Variants in GRID1 observed in about 807,000 individuals in gnomAD.
The protein encoded by GRID1 is glutamate receptor ionotropic, delta-1.
GRID1 carries 28 observed loss-of-function variants against 98.0 expected under a neutral mutation model. The observed-to-expected ratio is 0.29, with a 90% CI of 0.21 to 0.39. The LOEUF is 0.39. Ranked by LOEUF, GRID1 falls within the 10% of genes least tolerant of loss-of-function variation. GRID1 has a pLI of 1.00. For synonymous variants in GRID1, 553 were observed against 538.5 expected (o/e 1.03, Z -0.37); for missense variants, 1,111 against 1,340.5 (o/e 0.83, Z 2.67).
intron 6 of GRID1, among the ~76,000 whole-genome samples, chr10:85,864,085 C>T (rs1309543465): frequency 6.6e-6 from 1 of 152,214 alleles, no homozygotes; most frequent in Non-Finnish European, 1.5e-5. Flanking sequence ...GTGGACAGTT[C>T]AGTGAGACAT....
intron 4 of GRID1, among the ~76,000 whole-genome samples, chr10:86,037,842 A>G (rs991068859): frequency 6.6e-6 from 1 of 152,140 alleles, no homozygotes; most frequent in African/African-American, 2.4e-5. Context: ...TCCATGCTAT[A>G]AATACTGCCA....
At chr10:86,153,029 G>C (rs1845191606) in intron 3 of GRID1, among the ~76,000 whole-genome samples, 1 of 152,182 alleles carries the variant, frequency 6.6e-6, no homozygotes, top group African/African-American at 2.4e-5. Context: ...CACAGCAAGG[G>C]GCCCACAGAT....
At chr10:86,067,262 A>T (rs1258640578) in intron 4 of GRID1, among the ~76,000 whole-genome samples, 1 of 152,186 alleles carries the variant, frequency 6.6e-6, no homozygotes, top group Admixed American at 6.5e-5. Context: ...CTCTGCATGC[A>T]CGCTGGAGGG....
chr10:86,126,741 G>A (rs1303543598), intron 4 of GRID1, among the ~76,000 whole-genome samples: 1 of 152,170 alleles, frequency 6.6e-6, no homozygotes, highest in Non-Finnish European at 1.5e-5. Flanking sequence ...AGATTTCACA[G>A]GAAGTCCAAA....
chr10:85,705,705 T>C (rs897468072), intron 12 of GRID1, among the ~76,000 whole-genome samples: 1 of 152,158 alleles, frequency 6.6e-6, no homozygotes, highest in Non-Finnish European at 1.5e-5. Context: ...GCAAAAATCC[T>C]CAATAAAATA....
chr10:85,985,596 G>A (rs997834948), intron 4 of GRID1, among the ~76,000 whole-genome samples: 1 of 152,196 alleles, frequency 6.6e-6, no homozygotes, highest in Admixed American at 6.5e-5. Flanking sequence ...CTACATCTGG[G>A]TTCCCAGGAT....
intron 6 of GRID1, among the ~76,000 whole-genome samples, chr10:85,857,475 C>T (rs1843123491): frequency 6.6e-6 from 1 of 152,098 alleles, no homozygotes; most frequent in East Asian, 1.9e-4. Context: ...GGGAGAAGGA[C>T]AGCTCTGTTC....
intron 2 of GRID1, among the ~76,000 whole-genome samples, chr10:86,303,518 G>A (rs908999962): frequency 2.6e-5 from 4 of 152,116 alleles, no homozygotes; most frequent in East Asian, 1.9e-4. Context: ...TGCCTCTCTC[G>A]AGCACTCACT....
At chr10:85,633,416 AG>A (rs1313440617) in intron 13 of GRID1, among the ~76,000 whole-genome samples, 1 of 152,134 alleles carries the variant, frequency 6.6e-6, no homozygotes, top group Non-Finnish European at 1.5e-5. Flanking sequence ...CCTTTAACGG[AG>A]CGTTTGACTT....
At chr10:85,705,923 A>G (rs1841511438) in intron 12 of GRID1, among the ~76,000 whole-genome samples, 1 of 152,242 alleles carries the variant, frequency 6.6e-6, no homozygotes, top group South Asian at 2.1e-4. Flanking sequence ...ATTTCATGCT[A>G]AAAACTCTCA....
At chr10:85,700,260 T>C (rs545843388) in intron 12 of GRID1, among the ~76,000 whole-genome samples, 1 of 152,148 alleles carries the variant, frequency 6.6e-6, no homozygotes, top group African/African-American at 2.4e-5. Context: ...TACATATAGA[T>C]AATAAAAGAG....
At chr10:85,855,079 C>T (rs563043832) in intron 7 of GRID1, among the ~76,000 whole-genome samples, 2 of 152,242 alleles carry the variant, frequency 1.3e-5, no homozygotes, top group Non-Finnish European at 2.9e-5. Flanking sequence ...TTGGAGGGCA[C>T]AGCAAGATCC....
chr10:86,164,841 G>T (rs113061687), intron 3 of GRID1, among the ~76,000 whole-genome samples: 3 of 152,294 alleles, frequency 2.0e-5, no homozygotes, highest in South Asian at 2.1e-4. Flanking sequence ...GGCCCCAAGG[G>T]GTAGTGGATG....
At chr10:85,982,413 G>T (rs11201860) in intron 4 of GRID1, among the ~76,000 whole-genome samples, 51,085 of 152,092 alleles carry the variant, frequency 0.34, 9,413 homozygotes, top group South Asian at 0.5. Context: ...ATACTTAAGA[G>T]GATTAGACCA....
At chr10:86,243,259 C>A (rs1846667018) in intron 2 of GRID1, among the ~76,000 whole-genome samples, 1 of 152,228 alleles carries the variant, frequency 6.6e-6, no homozygotes, top group South Asian at 2.1e-4. Context: ...CCTGGCTCTG[C>A]AGACCCGTGC....
At chr10:85,973,147 G>A (rs918296785) in intron 4 of GRID1, among the ~76,000 whole-genome samples, 1 of 152,092 alleles carries the variant, frequency 6.6e-6, no homozygotes, top group South Asian at 2.1e-4. Flanking sequence ...TGTTAACCAG[G>A]TTTGAATTTG....
chr10:85,814,988 C>T (rs1281589021), intron 8 of GRID1, among the ~76,000 whole-genome samples: 1 of 151,886 alleles, frequency 6.6e-6, no homozygotes, highest in Non-Finnish European at 1.5e-5. Context: ...AACATAGATG[C>T]AAAATTGTCA....
At chr10:85,698,769 A>G (rs1433849384) in intron 12 of GRID1, among the ~76,000 whole-genome samples, 2 of 152,220 alleles carry the variant, frequency 1.3e-5, no homozygotes, top group African/African-American at 4.8e-5. Context: ...CATAACAGCA[A>G]TGAATAAGAC....
chr10:85,979,354 G>T (rs1202775174), intron 4 of GRID1, among the ~76,000 whole-genome samples: 1 of 152,076 alleles, frequency 6.6e-6, no homozygotes, highest in Non-Finnish European at 1.5e-5. Flanking sequence ...ATTTGCTAGG[G>T]CTGCCATAAT....
Sources: allele counts gnomAD v4.1 joint callset (sites outside exome capture counted in the v4.1 genomes callset), GRCh38; gene constraint gnomAD v4.1.1; transcripts MANE v1.5; gene names NCBI Gene and HGNC (gene_info 2026-07-23, HGNC 2026-07-21).